The following IQCH variants were observed in gnomAD, a reference collection of about 807,000 sequenced individuals.
IQCH encodes IQ motif containing H.
A neutral mutation model predicts 117.0 loss-of-function variants in IQCH; 98 were observed. The ratio of observed to expected loss-of-function variants is 0.84; its 90% CI spans 0.71 to 0.99. The LOEUF (loss-of-function observed/expected upper bound fraction) is 0.99. Among genes scored for constraint, IQCH ranks in the 50% least tolerant of loss-of-function variants. IQCH has a pLI of 0.00. For synonymous variants in IQCH, 412 were observed against 448.2 expected (o/e 0.92, Z 1.02); for missense variants, 1,102 against 1,243.8 (o/e 0.89, Z 1.72).
chr15:67,337,209 C>A (rs1385181543), intron 5 of IQCH, 114 bp downstream of exon 5: 17 of 1,217,898 alleles, frequency 1.4e-5, no homozygotes, highest in Non-Finnish European at 2.0e-5. Flanking sequence ...TCCTGGGTGG[C>A]CTCAGACAAG....
rs1329865424 is a variant in IQCH, at chr15:67,373,011, A to G, written c.1305+349A>G. Among the ~76,000 whole-genome samples the G allele has an allele frequency of 2.0e-5, 3 of 151,844 alleles. No individual in the cohort carries two copies. In the East Asian group the frequency reaches 5.8e-4, roughly 29 times the overall value. On this transcript the variant is annotated intron_variant, in intron 9 of 20. Transcript: ENST00000335894. ...CCTATATATACCTTCTGGCACTTTAATTTGCTCAGAAAAAAAAAATCCTCT... is the reference window on the plus strand; with the variant it reads ...CCTATATATACCTTCTGGCACTTTAGTTTGCTCAGAAAAAAAAAATCCTCT...
intron 10 of IQCH, among the ~76,000 whole-genome samples, chr15:67,383,094 C>T (rs1276376685): frequency 9.2e-6 from 1 of 108,512 alleles, no homozygotes; most frequent in Admixed American, 1.1e-4. Flanking sequence ...TGGTCTGTTG[C>T]TTGTCACAGA....
chr15:67,312,139 C>T (rs1756246261), intron 4 of IQCH, among the ~76,000 whole-genome samples: 1 of 152,012 alleles, frequency 6.6e-6, no homozygotes, highest in Non-Finnish European at 1.5e-5. Context: ...TTTGAAAAGC[C>T]AAATTTAGGT....
chr15:67,284,039 T>C (rs1336455117), intron 4 of IQCH, among the ~76,000 whole-genome samples: 2 of 152,226 alleles, frequency 1.3e-5, no homozygotes, highest in African/African-American at 4.8e-5. Context: ...TTATCCTTTG[T>C]GTTACAAACA....
intron 6 of IQCH, among the ~76,000 whole-genome samples, chr15:67,355,280 T>G (rs1007059766): frequency 5.3e-5 from 8 of 152,202 alleles, no homozygotes; most frequent in Admixed American, 1.3e-4. Context: ...CTGAAAAAAC[T>G]GGGGCTCTAA....
chr15:67,306,857 A>C (rs988128581), intron 4 of IQCH: 8 of 1,533,432 alleles, frequency 5.2e-6, no homozygotes, highest in Non-Finnish European at 6.1e-6. Flanking sequence ...AAACAAGAAG[A>C]AATCCCTGGT....
intron 3 of IQCH, among the ~76,000 whole-genome samples, chr15:67,274,428 T>G (rs1266724649): frequency 6.6e-6 from 1 of 152,232 alleles, no homozygotes; most frequent in Non-Finnish European, 1.5e-5. Context: ...TTCTTCTGCT[T>G]TAACCATTCT....
intron 17 of IQCH, among the ~76,000 whole-genome samples, chr15:67,468,122 T>A (rs2082979647): frequency 6.6e-6 from 1 of 152,224 alleles, no homozygotes; most frequent in Non-Finnish European, 1.5e-5. Context: ...TAACTTTCAA[T>A]TAATGTTCTG....
rs1186600960 is a variant in IQCH at position 67,466,319 on chromosome 15, ACT to A, written c.2676+1027_2676+1028del. 6.6e-6 allele frequency among the ~76,000 whole-genome samples: 1 copy of A among 151,574 alleles called. No individual in the cohort carries two copies. Among genetic ancestry groups the A allele is most frequent in the Non-Finnish European group, 1.5e-5 (1 of 67,888 alleles). On this transcript the variant is annotated intron_variant, in intron 17 of 20. Transcript: ENST00000335894. The surrounding 1 kb of genome is among the most constrained non-coding windows in gnomAD (Gnocchi z 4.4). ...CCCTTTGTGCAAGAGTGTATTGGGG[ACT>A]CTCTGGCCACGGTGCTCTCACAGCT...
intron 6 of IQCH, among the ~76,000 whole-genome samples, chr15:67,349,763 T>C (rs1024458432): frequency 6.6e-6 from 1 of 152,108 alleles, no homozygotes; most frequent in Non-Finnish European, 1.5e-5. Flanking sequence ...ACAAAAGACA[T>C]GAGCAGACAC....
chr15:67,468,502 G>T (rs2082988781), intron 17 of IQCH, among the ~76,000 whole-genome samples: 1 of 152,134 alleles, frequency 6.6e-6, no homozygotes, highest in South Asian at 2.1e-4. Context: ...CTGTAATTAT[G>T]TACAAAACCA....
At chr15:67,374,379 C>G (rs940343243) in intron 10 of IQCH, among the ~76,000 whole-genome samples, 1 of 152,136 alleles carries the variant, frequency 6.6e-6, no homozygotes, top group Non-Finnish European at 1.5e-5. Context: ...TCTGTTGTAA[C>G]AGAATGCTGG....
intron 4 of IQCH, among the ~76,000 whole-genome samples, chr15:67,324,649 A>T (rs910170054): frequency 6.7e-6 from 1 of 150,222 alleles, no homozygotes; most frequent in Non-Finnish European, 1.5e-5. Context: ...AAATATTTAG[A>T]TCACCTTTAT....
At chr15:67,346,092 G>A (rs1194006088) in intron 6 of IQCH, among the ~76,000 whole-genome samples, 1 of 151,920 alleles carries the variant, frequency 6.6e-6, no homozygotes, top group African/African-American at 2.4e-5. Context: ...AAACAATAAT[G>A]AAAAGAAAGC....
At chr15:67,489,596 G>T (rs186447427) in intron 18 of IQCH, among the ~76,000 whole-genome samples, 1 of 151,814 alleles carries the variant, frequency 6.6e-6, no homozygotes, top group Non-Finnish European at 1.5e-5. Flanking sequence ...AATTACAGGC[G>T]TGAGTCACCG....
chr15:67,359,935 C>G lies in IQCH; in HGVS notation c.753+50C>G. 1 of 1,469,026 alleles carries G rather than the reference C, an allele frequency of 6.8e-7. No individual in the cohort carries two copies. Among genetic ancestry groups the G allele is most frequent in the South Asian group, 1.1e-5 (1 of 88,064 alleles). 91.0% of individuals were successfully genotyped at this position (1,469,026 alleles called of 1,614,324 possible). A position where few individuals can be genotyped will look rare whatever the true frequency, so the allele number is the denominator to read the frequency against. ...AAATTTAGGGTCTGTCACCTGATGT[C>G]CCTTCCTTTTGCTGCAGGGCAAGAG... On this transcript the variant is annotated intron_variant, in intron 8 of 20. Coordinates refer to ENST00000335894, the MANE Select transcript of IQCH (RefSeq NM_001031715.3). This position sits in a 1 kb window ranked among gnomAD's most constrained non-coding sequence, Gnocchi z 4.5.
intron 3 of IQCH, among the ~76,000 whole-genome samples, chr15:67,266,963 T>G: frequency 6.6e-6 from 1 of 152,236 alleles, no homozygotes; most frequent in East Asian, 1.9e-4. Context: ...TTTTTCAGTC[T>G]TAGCACACTT....
chr15:67,431,646 A>C lies in IQCH; in HGVS notation c.2505+10069A>C, dbSNP rs1053044034. ...ACCCCGAACTTAAAAGTTAAAAAAAAACACACATTGTTCTTTATATTTCAC... is the reference window on the plus strand; with the variant it reads ...ACCCCGAACTTAAAAGTTAAAAAAACACACACATTGTTCTTTATATTTCAC... On this transcript the variant is annotated intron_variant, in intron 16 of 20. Coordinates refer to ENST00000335894, the MANE Select transcript of IQCH (RefSeq NM_001031715.3). The surrounding 1 kb of genome is among the most constrained non-coding windows in gnomAD (Gnocchi z 4.8). 3.3e-5 allele frequency among the ~76,000 whole-genome samples: 5 copies of C among 152,210 alleles called. No homozygotes were observed. Among genetic ancestry groups the C allele is most frequent in the African/African-American group, 1.2e-4 (5 of 41,440 alleles).
intron 4 of IQCH, among the ~76,000 whole-genome samples, chr15:67,298,520 G>A (rs1378056052): frequency 3.3e-5 from 5 of 151,962 alleles, no homozygotes; most frequent in Admixed American, 1.3e-4. Flanking sequence ...ACAGTTGGTA[G>A]GAATGTAAAT....
Sources: gnomAD v4.1 joint callset for allele counts (sites outside exome capture counted in the v4.1 genomes callset) on GRCh38, gnomAD v4.1.1 for gene constraint, Gnocchi (gnomAD v3.1) non-coding constraint, MANE v1.5 for transcripts, NCBI Gene and HGNC (gene_info 2026-07-23, HGNC 2026-07-21) for gene names.